The following STMN3 variants were observed in gnomAD, a reference collection of about 807,000 sequenced individuals.
The protein encoded by STMN3 is stathmin-3.
In STMN3, 24 loss-of-function variants were observed where a neutral mutation model predicts 23.2. That is an observed-to-expected ratio of 1.03 (90% CI 0.75 to 1.45). The LOEUF is 1.45. Ranked by LOEUF, STMN3 falls within the 40% of genes most tolerant of loss-of-function variation. STMN3 has a pLI of 0.00. For synonymous variants in STMN3, 117 were observed against 103.4 expected (o/e 1.13, Z -0.80); for missense variants, 235 against 237.6 (o/e 0.99, Z 0.07).
chr20:63,650,943 TTCC>T (rs1276231222), intron 1 of STMN3, among the ~76,000 whole-genome samples: 1 of 122,370 alleles, frequency 8.2e-6, no homozygotes, highest in Non-Finnish European at 1.7e-5. Context: ...CTTCTTCGTC[TTCC>T]TCCTCTTCTT....
At position 63,650,016 on chromosome 20, in the gene STMN3, T is replaced by C. The variant is rs187892523; in HGVS notation, c.19+3311A>G. On this transcript the variant is annotated intron_variant, in intron 1 of 4. Coordinates refer to ENST00000370053, the MANE Select transcript of STMN3 (RefSeq NM_015894.4). Reference sequence around the variant, plus strand: ...TAATTTTCTGTATTTTTAGTAGAGATGAGGTTTCACCATGTTGGCCAGGCT... The same window carrying C: ...TAATTTTCTGTATTTTTAGTAGAGACGAGGTTTCACCATGTTGGCCAGGCT... Among the ~76,000 whole-genome samples, 464 of 151,936 alleles carry C rather than the reference T, an allele frequency of 3.1e-3. 1 individual carries two copies. Among genetic ancestry groups the C allele is most frequent in the Non-Finnish European group, 4.9e-3 (332 of 67,972 alleles).
rs115413906 is a variant in STMN3, at chr20:63,651,576, G to A, written c.19+1751C>T. ...CAGCCGATTTGCCTTTCCCTGGGCA[G>A]GAAACTCAGAAATGTGGCTACCACA... is the stretch of plus-strand genomic sequence containing the variant. On this transcript the variant is annotated intron_variant, in intron 1 of 4. Coordinates refer to ENST00000370053, the MANE Select transcript of STMN3 (RefSeq NM_015894.4). Among the ~76,000 whole-genome samples the A allele has an allele frequency of 2.8e-3, 429 of 152,342 alleles. 5 individuals are homozygous for A. The highest frequency in any genetic ancestry group is 9.9e-3 in the African/African-American group (412 of 41,578).
Position 63,643,406 on chromosome 20 carries a change from C to G in STMN3, c.291+350G>C, listed in dbSNP as rs772276206. Among the ~76,000 whole-genome samples, 67 of 152,134 alleles carry G rather than the reference C, an allele frequency of 4.4e-4. 1 individual carries two copies. The highest frequency in any genetic ancestry group is 2.0e-4 in the Admixed American group (3 of 15,268). ...AAGCAATTCCCCTGCCTCAGACTCCCTAGTAGGTGGGATTACAGGTGTGCA... is the reference window on the plus strand; with the variant it reads ...AAGCAATTCCCCTGCCTCAGACTCCGTAGTAGGTGGGATTACAGGTGTGCA... On this transcript the variant is annotated intron_variant, in intron 3 of 4. Transcript: ENST00000370053.
At chr20:63,644,425 C>G (rs2089793385) in intron 1 of STMN3, 116 bp from the exon 2 acceptor site, 14 of 756,744 alleles carry the variant, frequency 1.9e-5, no homozygotes, top group Non-Finnish European at 3.1e-5. Flanking sequence ...AGCTGCCCAG[C>G]ACGCTCTCTT....
Position 63,653,311 on chromosome 20 carries a change from T to C in STMN3, c.19+16A>G, listed in dbSNP as rs1369438131. Reference sequence around the variant, plus strand: ...AGATCCCGCCGCCCCACAAAGCCCGTGGCCCCGGAGCCTACCGGAAATGGT... The same window carrying C: ...AGATCCCGCCGCCCCACAAAGCCCGCGGCCCCGGAGCCTACCGGAAATGGT... On this transcript the variant is annotated intron_variant, in intron 1 of 4. Coordinates refer to ENST00000370053, the MANE Select transcript of STMN3 (RefSeq NM_015894.4). 9 of 1,545,348 alleles carry C rather than the reference T, an allele frequency of 5.8e-6. No homozygotes were observed. The highest frequency in any genetic ancestry group is 7.9e-6 in the Non-Finnish European group (9 of 1,144,846).
chr20:63,642,771 G>A (rs1243085327), intron 3 of STMN3, among the ~76,000 whole-genome samples: 6 of 152,172 alleles, frequency 3.9e-5, no homozygotes, highest in East Asian at 1.9e-4. Context: ...GGAGCGGAGG[G>A]TCCCCAGGGA....
rs1233387390 is a variant in STMN3 at position 63,647,981 on chromosome 20, CATATATAT to C, written c.20-3680_20-3673del. ...ATATGTATATATATATATATATATACATATATATATACAGAGAGAGAGAGAGTAGTGAT... is the reference window on the plus strand; with the variant it reads ...ATATGTATATATATATATATATATACATACAGAGAGAGAGAGAGTAGTGAT... On this transcript the variant is annotated intron_variant, in intron 1 of 4. Coordinates refer to ENST00000370053, the MANE Select transcript of STMN3 (RefSeq NM_015894.4). Among the ~76,000 whole-genome samples the C allele has an allele frequency of 2.4e-3, 165 of 68,740 alleles. 14 individuals carry two copies. Among genetic ancestry groups the C allele is most frequent in the South Asian group, 0.016 (34 of 2,132 alleles). 45.1% of individuals were successfully genotyped at this position (68,740 alleles called of 152,430 possible).
At position 63,642,252 on chromosome 20, in the gene STMN3, G is replaced by T; in HGVS notation, c.339C>A (p.His113Gln). 6.5e-7 allele frequency: 1 copy of T among 1,546,590 alleles called. No individual in the cohort carries two copies. The highest frequency in any genetic ancestry group is 8.7e-7 in the Non-Finnish European group (1 of 1,148,126). ...GCGCCTTGTGCAGCACCTCGCGCTC[G>T]TGCTCGCGCCGCTCCGCCAGCTGCT... ...VLKQLAERRE[H>Q]EREVLHKALE... Residue 113 changes from histidine to glutamine, a missense_variant, in exon 4 of 5, where the codon CAC becomes CAA. Transcript: ENST00000370053.
In STMN3 at chr20:63,652,822, C is replaced by G. The variant is rs2089871291; in HGVS notation, c.19+505G>C. ...GCTCCGCCGTGTCTGGCCCGCCCCC[C>G]TCCTTCAGCGCCCCCTCCAGCCCCT... On this transcript the variant is annotated intron_variant, in intron 1 of 4. Transcript: ENST00000370053. The surrounding 1 kb of genome is among the most constrained non-coding windows in gnomAD (Gnocchi z 5.3). The G allele has an allele frequency of 1.0e-6, 1 of 978,318 alleles. No homozygotes were observed. Among genetic ancestry groups the G allele is most frequent in the South Asian group, 4.7e-5 (1 of 21,186 alleles). The allele number at this position is 978,318 out of a possible 1,614,324, so 60.6% of individuals were successfully genotyped here. A position where few individuals can be genotyped will look rare whatever the true frequency, so the allele number is the denominator to read the frequency against.
rs886098718 is a variant in STMN3 at position 63,641,163 on chromosome 20, G to C, written c.*175C>G. On this transcript the variant is annotated 3_prime_UTR_variant, in exon 5 of 5. Transcript: ENST00000370053. ...GGCGGCTCCTGCAGGGGAAGCCGTG[G>C]TCAGCGACTCACCACGAGGACAGGG... 3.0e-6 allele frequency: 2 copies of C among 676,908 alleles called. No individual in the cohort carries two copies. Among genetic ancestry groups the C allele is most frequent in the Non-Finnish European group, 5.3e-6 (2 of 375,544 alleles). 41.9% of individuals were successfully genotyped at this position (676,908 alleles called of 1,614,324 possible).
At chr20:63,647,633 A>T (rs1266335657) in intron 1 of STMN3, among the ~76,000 whole-genome samples, 2 of 141,488 alleles carry the variant, frequency 1.4e-5, no homozygotes, top group East Asian at 4.1e-4. Context: ...AACACAAACA[A>T]ACATATATAT....
chr20:63,648,327 G>C (rs547510130), intron 1 of STMN3, among the ~76,000 whole-genome samples: 1 of 152,024 alleles, frequency 6.6e-6, no homozygotes, highest in Non-Finnish European at 1.5e-5. Flanking sequence ...GGTCCTGAGA[G>C]GATAAGAAGG....
At position 63,653,268 on chromosome 20, in the gene STMN3, C is replaced by CA. The variant is rs565022274; in HGVS notation, c.19+58dup. ...TGCCGGCCGCTGCCCCAGGCGAGGC[C>CA]AGACGAGGCCTCTGCTCAGATCCCG... is the stretch of plus-strand genomic sequence containing the variant. On this transcript the variant is annotated intron_variant, in intron 1 of 4. Coordinates refer to ENST00000370053, the MANE Select transcript of STMN3 (RefSeq NM_015894.4). 288 of 1,532,728 alleles carry CA rather than the reference C, an allele frequency of 1.9e-4. No homozygotes were observed. The African/African-American group carries it at 3.7e-3, about 20-fold the overall frequency. 94.9% of individuals were successfully genotyped at this position (1,532,728 alleles called of 1,614,324 possible).
chr20:63,644,653 A>G (rs888319974), intron 1 of STMN3, among the ~76,000 whole-genome samples: 1 of 152,128 alleles, frequency 6.6e-6, no homozygotes, highest in African/African-American at 2.4e-5. Flanking sequence ...TCCATTACCC[A>G]AAACTCATGT....
chr20:63,652,473 A>C lies in STMN3; in HGVS notation c.19+854T>G. On this transcript the variant is annotated intron_variant, in intron 1 of 4. Transcript: ENST00000370053. The surrounding 1 kb of genome is among the most constrained non-coding windows in gnomAD (Gnocchi z 5.3). ...GTCCTCGCGCCCGAGGTCGCCCGGC[A>C]GCTCCCCTGCGTCCAGAATCCGCCC... The C allele has an allele frequency of 1.3e-6, 1 of 742,258 alleles. No homozygotes were observed. The highest frequency in any genetic ancestry group is 1.6e-6 in the Non-Finnish European group (1 of 607,592). 46.0% of individuals were successfully genotyped at this position (742,258 alleles called of 1,614,324 possible).
rs2089869390 is a variant in STMN3, at chr20:63,652,596, C to CGCGGGAGGTGGAGGG, written c.19+716_19+730dup. 2.0e-6 allele frequency: 2 copies of CGCGGGAGGTGGAGGG among 985,286 alleles called. No homozygotes were observed. The highest frequency in any genetic ancestry group is 6.1e-5 in the Admixed American group (1 of 16,272). 61.0% of individuals were successfully genotyped at this position (985,286 alleles called of 1,614,324 possible). ...ACCTTCGAAGGCGGTGGGTCCGCCC[C>CGCGGGAGGTGGAGGG]GCGGGAGGTGGAGGGGCGGGAGGGG... On this transcript the variant is annotated intron_variant, in intron 1 of 4. Coordinates refer to ENST00000370053, the MANE Select transcript of STMN3 (RefSeq NM_015894.4). The surrounding 1 kb of genome is among the most constrained non-coding windows in gnomAD (Gnocchi z 5.3).
chr20:63,650,961 C>CTT (rs151283484), intron 1 of STMN3, among the ~76,000 whole-genome samples: 6 of 132,988 alleles, frequency 4.5e-5, no homozygotes, highest in Non-Finnish European at 7.9e-5. Flanking sequence ...CTTCTTTCTT[C>CTT]TTTTTTTTTT....
chr20:63,644,758 G>A (rs976471588), intron 1 of STMN3, among the ~76,000 whole-genome samples: 12 of 152,224 alleles, frequency 7.9e-5, no homozygotes, highest in Non-Finnish European at 8.8e-5. Context: ...TGGCCCCAGA[G>A]TGGGGCTTCA....
intron 1 of STMN3, 67 bp downstream of exon 1, chr20:63,653,260 G>C: frequency 5.9e-6 from 9 of 1,526,244 alleles, no homozygotes; most frequent in South Asian, 2.4e-5. Flanking sequence ...CGCTGCCCCA[G>C]GCGAGGCCAG....
Sources: allele counts gnomAD v4.1 joint callset (sites outside exome capture counted in the v4.1 genomes callset), GRCh38; gene constraint gnomAD v4.1.1; non-coding constraint Gnocchi (gnomAD v3.1); transcripts MANE v1.5; gene names NCBI Gene and HGNC (gene_info 2026-07-23, HGNC 2026-07-21).